Variants in MTA3 observed in about 807,000 individuals in gnomAD.
The protein encoded by MTA3 is metastasis associated 1 family member 3.
In MTA3, 34 loss-of-function variants were observed where a neutral mutation model predicts 83.5. The observed-to-expected ratio is 0.41, with a 90% CI of 0.31 to 0.54. The LOEUF (loss-of-function observed/expected upper bound fraction) is 0.54. Ranked by LOEUF, MTA3 falls within the 20% of genes least tolerant of loss-of-function variation. The probability of loss-of-function intolerance (pLI) is 0.33; values close to 1 mark genes in which losing one functional copy is unlikely to be tolerated. For synonymous variants in MTA3, 303 were observed against 252.7 expected (o/e 1.20, Z -1.89); for missense variants, 761 against 726.4 (o/e 1.05, Z -0.55).
At chr2:42,591,937 C>G (rs1272260590) in intron 3 of MTA3, among the ~76,000 whole-genome samples, 1 of 152,254 alleles carries the variant, frequency 6.6e-6, no homozygotes, top group Non-Finnish European at 1.5e-5. Context: ...GCGTGAGCCA[C>G]CGTGCCTGGC....
rs143183908 is a variant in MTA3, at chr2:42,724,532, T to G, written c.1759+1497T>G. Among the ~76,000 whole-genome samples, 417 of 151,838 alleles carry G rather than the reference T, an allele frequency of 2.7e-3. 4 individuals carry two copies. The highest frequency in any genetic ancestry group is 9.7e-3 in the African/African-American group (402 of 41,410). ...AGTGGCGCATGTCTGTAGTCCCAGC[T>G]ACTCAGGAGGCTGAGGTGGGAGGAT... On this transcript the variant is annotated intron_variant, in intron 16 of 16. Coordinates refer to ENST00000405094, the MANE Select transcript of MTA3 (RefSeq NM_001330442.2).
At chr2:42,504,142 C>G (rs1406053920) in intron 2 of MTA3, among the ~76,000 whole-genome samples, 1 of 152,018 alleles carries the variant, frequency 6.6e-6, no homozygotes, top group Non-Finnish European at 1.5e-5. Context: ...GTTGGACAGT[C>G]TGGTCTTGAA....
At chr2:42,553,976 G>A (rs1302488040) in intron 2 of MTA3, among the ~76,000 whole-genome samples, 1 of 151,728 alleles carries the variant, frequency 6.6e-6, no homozygotes, top group African/African-American at 2.4e-5. Context: ...GCTCACGCGT[G>A]TAATCCCAGC....
chr2:42,610,106 C>G (rs552435315), intron 4 of MTA3, among the ~76,000 whole-genome samples: 2 of 151,740 alleles, frequency 1.3e-5, no homozygotes, highest in South Asian at 2.1e-4. Context: ...TCTTTAAAAA[C>G]AAACGAAAAA....
intron 8 of MTA3, among the ~76,000 whole-genome samples, chr2:42,673,321 T>A (rs1691011034): frequency 6.6e-6 from 1 of 152,168 alleles, no homozygotes; most frequent in Admixed American, 6.6e-5. Flanking sequence ...TTTTGTGAAA[T>A]TGTAACTGAA....
chr2:42,594,265 TAAAAGACAG>T (rs1681412605), intron 3 of MTA3, among the ~76,000 whole-genome samples: 1 of 27,156 alleles, frequency 3.7e-5, no homozygotes. Flanking sequence ...TTTTTTTTTT[TAAAAGACAG>T]TCCCTAGGCT....
rs547896227 is a variant in MTA3, at chr2:42,709,241, T to A, written c.1525+145T>A. 111 of 1,441,286 alleles carry A rather than the reference T, an allele frequency of 7.7e-5. No individual in the cohort carries two copies. The African/African-American group carries it at 1.5e-3, about 20-fold the overall frequency. 89.3% of individuals were successfully genotyped at this position (1,441,286 alleles called of 1,614,324 possible). A position where few individuals can be genotyped will look rare whatever the true frequency, so the allele number is the denominator to read the frequency against. On this transcript the variant is annotated intron_variant, in intron 14 of 16. Coordinates refer to ENST00000405094, the MANE Select transcript of MTA3 (RefSeq NM_001330442.2). ...CTTTTATTTGGTTTATTTTTTAACA[T>A]TGTTTTTGTGTGCTGCCATTTGTAT...
intron 16 of MTA3, among the ~76,000 whole-genome samples, chr2:42,735,995 T>C (rs1053738037): frequency 6.6e-6 from 1 of 152,176 alleles, no homozygotes; most frequent in Non-Finnish European, 1.5e-5. Context: ...TTGAAGTTTG[T>C]GGATATTCTT....
At chr2:42,665,672 A>T (rs1338189904) in intron 8 of MTA3, among the ~76,000 whole-genome samples, 2 of 152,216 alleles carry the variant, frequency 1.3e-5, no homozygotes, top group Non-Finnish European at 2.9e-5. Context: ...ACTGGCTTAC[A>T]CTTTTGCCTG....
At chr2:42,640,388 C>T (rs1200324714) in intron 5 of MTA3, among the ~76,000 whole-genome samples, 152 bp downstream of exon 5, 4 of 152,060 alleles carry the variant, frequency 2.6e-5, no homozygotes, top group East Asian at 3.9e-4. Context: ...AGAATGCATT[C>T]GGGTAAATTT....
chr2:42,649,596 A>C (rs994830442), intron 6 of MTA3, among the ~76,000 whole-genome samples: 1 of 152,244 alleles, frequency 6.6e-6, no homozygotes, highest in Non-Finnish European at 1.5e-5. Flanking sequence ...CCCAGCAATA[A>C]GGGAAACAAG....
rs1272912314 is a variant in MTA3 at position 42,501,104 on chromosome 2, G to A, written c.-141+5850G>A. 2.6e-5 allele frequency among the ~76,000 whole-genome samples: 4 copies of A among 152,110 alleles called. No homozygotes were observed. The South Asian group carries it at 6.2e-4, about 24-fold the overall frequency. On this transcript the variant is annotated intron_variant, in intron 2 of 17. Transcript: ENST00000405592. ...GGATTACAGGCATGAGCCACCGCGCGTGACCTGTATAGCATCTTAATAAAG... is the reference window on the plus strand; with the variant it reads ...GGATTACAGGCATGAGCCACCGCGCATGACCTGTATAGCATCTTAATAAAG...
intron 15 of MTA3, among the ~76,000 whole-genome samples, chr2:42,720,155 C>CTTTATTTA (rs71410129): frequency 0.011 from 1,645 of 147,584 alleles, 13 homozygotes; most frequent in African/African-American, 0.014. Flanking sequence ...TTATTCCTTG[C>CTTTATTTA]TTTATTTATT....
chr2:42,724,610 C>T (rs1023448077), intron 16 of MTA3, among the ~76,000 whole-genome samples: 2 of 146,916 alleles, frequency 1.4e-5, no homozygotes, highest in Non-Finnish European at 3.0e-5. Context: ...TGCCACTGCA[C>T]TCCAGCGAGG....
rs796635282 is a variant in MTA3 at position 42,557,820 on chromosome 2, C to G, written c.-140-12617C>G. ...AACCTACAGATAAAGATAAAAGGAA[C>G]TGATAAAAAGAGCAAATTCTAGTCT... is the stretch of plus-strand genomic sequence containing the variant. On this transcript the variant is annotated intron_variant, in intron 2 of 17. Coordinates refer to the MTA3 transcript ENST00000405592. 1.3e-4 allele frequency among the ~76,000 whole-genome samples: 20 copies of G among 152,242 alleles called. 1 individual carries two copies. Among genetic ancestry groups the G allele is most frequent in the African/African-American group, 4.6e-4 (19 of 41,564 alleles).
intron 3 of MTA3, among the ~76,000 whole-genome samples, chr2:42,604,959 A>G (rs1409083812): frequency 6.7e-6 from 1 of 149,814 alleles, no homozygotes; most frequent in Non-Finnish European, 1.5e-5. Flanking sequence ...GTAGAACAAA[A>G]TGAAAAGTCT....
intron 16 of MTA3, among the ~76,000 whole-genome samples, chr2:42,729,087 T>TTTTTTGTTG (rs60189669): frequency 7.2e-5 from 2 of 27,748 alleles, no homozygotes; most frequent in Non-Finnish European, 1.6e-4. Context: ...ACAGTTTGAG[T>TTTTTTGTTG]TTTTTTTTTT....
At chr2:42,594,698 A>AC (rs1681489419) in intron 3 of MTA3, among the ~76,000 whole-genome samples, 1 of 81,878 alleles carries the variant, frequency 1.2e-5, no homozygotes, top group East Asian at 3.0e-4. Flanking sequence ...ATACATATAT[A>AC]AATATACATA....
At chr2:42,583,415 AG>A (rs1679890737) in intron 3 of MTA3, among the ~76,000 whole-genome samples, 1 of 152,226 alleles carries the variant, frequency 6.6e-6, no homozygotes, top group Non-Finnish European at 1.5e-5. Context: ...GGAGTTTTTT[AG>A]GGAGGATTAA....
Sources: allele counts gnomAD v4.1 joint callset (sites outside exome capture counted in the v4.1 genomes callset), GRCh38; gene constraint gnomAD v4.1.1; transcripts MANE v1.5; gene names NCBI Gene and HGNC (gene_info 2026-07-23, HGNC 2026-07-21).